WASF2: variants seen among roughly 807,000 people sequenced by gnomAD.
The protein encoded by WASF2 is WASP family member 2, also known as actin-binding protein WASF2.
In WASF2, 14 loss-of-function variants were observed where a neutral mutation model predicts 45.0. The ratio of observed to expected loss-of-function variants is 0.31; its 90% CI spans 0.21 to 0.49. WASF2 has a LOEUF of 0.49. Among genes scored for constraint, WASF2 ranks in the 20% least tolerant of loss-of-function variants. WASF2 has a pLI of 0.99. For missense variants in WASF2, 439 were observed against 636.1 expected, an observed-to-expected ratio of 0.69 and a Z score of 3.33; for synonymous variants, 200 against 236.3, an observed-to-expected ratio of 0.85 and a Z score of 1.41.
At chr1:27,456,417 G>A (rs918844319) in intron 1 of WASF2, among the ~76,000 whole-genome samples, 1 of 151,652 alleles carries the variant, frequency 6.6e-6, no homozygotes, top group African/African-American at 2.4e-5. Context: ...AGGAGATAAG[G>A]AGTAGGAGCT....
At chr1:27,418,445 A>C in intron 3 of WASF2, 23 bp from the exon 4 acceptor site, 1 of 1,614,206 alleles carries the variant, frequency 6.2e-7, no homozygotes, top group Non-Finnish European at 8.5e-7. Flanking sequence ...GGAAGGCGTT[A>C]GAAAATGGAC....
At chr1:27,441,032 A>C (rs916403292) in intron 1 of WASF2, among the ~76,000 whole-genome samples, 4 of 151,322 alleles carry the variant, frequency 2.6e-5, no homozygotes, top group African/African-American at 9.7e-5. Context: ...ACGCTCAGCT[A>C]ATTTTTTGTA....
chr1:27,409,428 CA>C (rs60940665), intron 8 of WASF2, among the ~76,000 whole-genome samples: 560 of 43,648 alleles, frequency 0.013, 1 homozygote, highest in African/African-American at 0.024. Context: ...CTGTCCCCCA[CA>C]AAAAAAAAAA....
In WASF2 at chr1:27,414,812, C is replaced by T; in HGVS notation, c.668+21G>A. 6.2e-7 allele frequency: 1 copy of T among 1,613,414 alleles called. No homozygotes were observed. The highest frequency in any genetic ancestry group is 8.5e-7 in the Non-Finnish European group (1 of 1,179,612). On this transcript the variant is annotated intron_variant, in intron 6 of 8. Transcript: ENST00000618852. This position sits in a 1 kb window ranked among gnomAD's most constrained non-coding sequence, Gnocchi z 4.1. ...CAGCCCCTTCAAAGAATGCTACCAA[C>T]AGTACAAAGGCATTACCTACCCAGA...
intron 1 of WASF2, among the ~76,000 whole-genome samples, chr1:27,444,713 T>A (rs942419256): frequency 3.3e-5 from 5 of 152,194 alleles, no homozygotes; most frequent in Admixed American, 2.6e-4. Context: ...TCTGCTTACA[T>A]TATACCTATT....
At position 27,490,122 on chromosome 1, in the gene WASF2, G is replaced by C. The variant is rs1453613167; in HGVS notation, c.-180C>G. On this transcript the variant is annotated 5_prime_UTR_variant, in exon 1 of 9. Transcript: ENST00000618852. ...CTCAGCGCGCTACGCCCCCAGCCGC[G>C]CTCGCCCTGCCTGTGTCCGCCATTA... is the stretch of plus-strand genomic sequence containing the variant. 1 of 152,428 alleles carries C rather than the reference G, an allele frequency of 6.6e-6. No homozygotes were observed. Among genetic ancestry groups the C allele is most frequent in the Non-Finnish European group, 1.5e-5 (1 of 68,202 alleles). 9.4% of individuals were successfully genotyped at this position (152,428 alleles called of 1,614,324 possible).
In WASF2 at chr1:27,410,856, C is replaced by A. The variant is rs915078534; in HGVS notation, c.825-650G>T. ...ATGAATGTGCCACCAGACTCCTGAC[C>A]CAGGCCTGAAAGAGGATTAAAGCTA... is the stretch of plus-strand genomic sequence containing the variant. On this transcript the variant is annotated intron_variant, in intron 7 of 8. Transcript: ENST00000618852. The surrounding 1 kb of genome is among the most constrained non-coding windows in gnomAD (Gnocchi z 4.2). 6.6e-6 allele frequency among the ~76,000 whole-genome samples: 1 copy of A among 152,140 alleles called. No individual in the cohort carries two copies. The highest frequency in any genetic ancestry group is 1.5e-5 in the Non-Finnish European group (1 of 68,036).
At chr1:27,487,681 TAATATATAATATATATTTTATAC>T (rs1280042199) in intron 1 of WASF2, among the ~76,000 whole-genome samples, 1 of 110,432 alleles carries the variant, frequency 9.1e-6, no homozygotes, top group African/African-American at 3.6e-5. Context: ...ATATTTTATA[TAATATATAATATATATTTTATAC>T]AATATATAAT....
In WASF2 at chr1:27,414,770, T is replaced by TG; in HGVS notation, c.668+62dup. ...GGTGTGAAAGGTGTCACACCAGAGC[T>TG]GTCAGACTGTTGTCCCCAGCCCCTT... On this transcript the variant is annotated intron_variant, in intron 6 of 8. Coordinates refer to ENST00000618852, the MANE Select transcript of WASF2 (RefSeq NM_006990.5). The surrounding 1 kb of genome is among the most constrained non-coding windows in gnomAD (Gnocchi z 4.1). 1 of 1,588,638 alleles carries TG rather than the reference T, an allele frequency of 6.3e-7. No homozygotes were observed. The highest frequency in any genetic ancestry group is 2.2e-5 in the East Asian group (1 of 44,512).
chr1:27,476,990 T>C, intron 1 of WASF2, among the ~76,000 whole-genome samples: 1 of 151,654 alleles, frequency 6.6e-6, no homozygotes, highest in Non-Finnish European at 1.5e-5. Flanking sequence ...AGGAAAGGGG[T>C]TTCAAAGTCC....
chr1:27,420,514 CTT>C (rs782294669), intron 2 of WASF2, among the ~76,000 whole-genome samples: 90 of 82,494 alleles, frequency 1.1e-3, no homozygotes, highest in African/African-American at 4.6e-3. Context: ...ACCATCTGAG[CTT>C]TTTTTTTTTT....
At chr1:27,418,490 G>A in intron 3 of WASF2, 68 bp from the exon 4 acceptor site, 1 of 1,603,014 alleles carries the variant, frequency 6.2e-7, no homozygotes, top group Non-Finnish European at 8.5e-7. Flanking sequence ...AGTCACACCA[G>A]TCGGAGAGGC....
At chr1:27,456,986 C>A (rs2017477286) in intron 1 of WASF2, among the ~76,000 whole-genome samples, 1 of 152,106 alleles carries the variant, frequency 6.6e-6, no homozygotes, top group African/African-American at 2.4e-5. Flanking sequence ...AGGTGATCTG[C>A]CCGTCTCGGC....
In WASF2 at chr1:27,442,275, G is replaced by C. The variant is rs2017247872; in HGVS notation, c.-43-13342C>G. On this transcript the variant is annotated intron_variant, in intron 1 of 8. Transcript: ENST00000618852. ...AAACTAAAAATAAAGGCTGGGCGCA[G>C]TGGCTCACACCTGTAATCTCAGGAC... is the stretch of plus-strand genomic sequence containing the variant. Among the ~76,000 whole-genome samples the C allele has an allele frequency of 1.3e-5, 2 of 152,334 alleles. 1 individual carries two copies. Among genetic ancestry groups the C allele is most frequent in the South Asian group, 4.1e-4 (2 of 4,830 alleles).
In WASF2 at chr1:27,471,988, C is replaced by T. The variant is rs944184146; in HGVS notation, c.-44+17998G>A. Among the ~76,000 whole-genome samples the T allele has an allele frequency of 3.9e-5, 6 of 152,182 alleles. No homozygotes were observed. In the South Asian group the frequency reaches 1.2e-3, roughly 31 times the overall value. On this transcript the variant is annotated intron_variant, in intron 1 of 8. Coordinates refer to ENST00000618852, the MANE Select transcript of WASF2 (RefSeq NM_006990.5). ...CTGTTCAACCCACCTCAATCAAGTCCTGCCCCCAAATAATCCACTCTCTTT... is the reference window on the plus strand; with the variant it reads ...CTGTTCAACCCACCTCAATCAAGTCTTGCCCCCAAATAATCCACTCTCTTT...
intron 7 of WASF2, among the ~76,000 whole-genome samples, chr1:27,412,189 G>A (rs1222179949): frequency 1.3e-5 from 2 of 152,106 alleles, no homozygotes; most frequent in African/African-American, 2.4e-5. Context: ...TTATTTTAGT[G>A]GTCTTGACCT....
intron 1 of WASF2, among the ~76,000 whole-genome samples, chr1:27,453,496 G>A (rs890534385): frequency 1.3e-5 from 2 of 150,622 alleles, no homozygotes; most frequent in African/African-American, 4.9e-5. Context: ...GGAGGCTGAA[G>A]CAGGAGAATT....
At chr1:27,446,893 G>A (rs933721365) in intron 1 of WASF2, among the ~76,000 whole-genome samples, 6 of 152,078 alleles carry the variant, frequency 3.9e-5, no homozygotes, top group Non-Finnish European at 2.9e-5. Context: ...CCACCCGTGA[G>A]CATTCTTCTT....
At chr1:27,455,631 A>G (rs2017456662) in intron 1 of WASF2, among the ~76,000 whole-genome samples, 1 of 152,190 alleles carries the variant, frequency 6.6e-6, no homozygotes, top group South Asian at 2.1e-4. Context: ...TCACCACAGA[A>G]GCCCTGCACT....
Sources: allele counts gnomAD v4.1 joint callset (sites outside exome capture counted in the v4.1 genomes callset), GRCh38; gene constraint gnomAD v4.1.1; non-coding constraint Gnocchi (gnomAD v3.1); transcripts MANE v1.5; gene names NCBI Gene and HGNC (gene_info 2026-07-23, HGNC 2026-07-21).